Variants in ANKMY1 observed in about 807,000 individuals in gnomAD.
The protein encoded by ANKMY1 is ankyrin repeat and MYND domain-containing protein 1.
In ANKMY1, 98 loss-of-function variants were observed where a neutral mutation model predicts 102.0. That is an observed-to-expected ratio of 0.96 (90% CI 0.82 to 1.14). The LOEUF (loss-of-function observed/expected upper bound fraction) is 1.14, where lower values mean the gene tolerates loss of function less well. Among genes scored for constraint, ANKMY1 ranks in the 50% most tolerant of loss-of-function variants. The pLI is 0.00. For synonymous variants in ANKMY1, 582 were observed against 559.9 expected (o/e 1.04, Z -0.56); for missense variants, 1,330 against 1,347.6 (o/e 0.99, Z 0.20).
At chr2:240,560,525 C>A (rs1235474456), upstream of ANKMY1, 2 of 1,132,024 alleles carry the variant, frequency 1.8e-6, no homozygotes. Flanking sequence ...GGCCCAGCGC[C>A]CGCGGGGGAC....
downstream of ANKMY1, among the ~76,000 whole-genome samples, chr2:240,477,730 C>T (rs2074950478): frequency 6.6e-6 from 1 of 152,052 alleles, no homozygotes; most frequent in South Asian, 2.1e-4. Context: ...CTTAAATAAG[C>T]GTATATTGCA....
chr2:240,479,750 T>A, intron 17 of ANKMY1, 95 bp from the exon 18 acceptor site: 1 of 1,097,222 alleles, frequency 9.1e-7, no homozygotes, highest in East Asian at 2.3e-5. Context: ...GTGGGGCGGC[T>A]GAGGACTGTG....
At chr2:240,491,047 C>T (rs1468466260) in intron 15 of ANKMY1, among the ~76,000 whole-genome samples, 3 of 149,866 alleles carry the variant, frequency 2.0e-5, no homozygotes, top group African/African-American at 7.3e-5. Flanking sequence ...ATTGTTATAT[C>T]CTCTTGCTAG....
chr2:240,480,197 A>G (rs1435784827), intron 17 of ANKMY1, among the ~76,000 whole-genome samples: 1 of 152,182 alleles, frequency 6.6e-6, no homozygotes, highest in Non-Finnish European at 1.5e-5. Context: ...GTCTCAAAAG[A>G]AAACAAAAAG....
At chr2:240,553,400 A>G (rs2125140104) in intron 3 of ANKMY1, 2 of 274,786 alleles carry the variant, frequency 7.3e-6, no homozygotes, top group South Asian at 4.1e-5. Flanking sequence ...GTCCCCACTC[A>G]GGAGCCCCAT....
intron 5 of ANKMY1, chr2:240,527,018 A>C: frequency 1.0e-6 from 1 of 989,056 alleles, no homozygotes; most frequent in Non-Finnish European, 1.2e-6. Flanking sequence ...TGATGTCTGC[A>C]TGATGGATGG....
chr2:240,518,802 A>G (rs1377662534), intron 9 of ANKMY1, among the ~76,000 whole-genome samples: 1 of 152,200 alleles, frequency 6.6e-6, no homozygotes, highest in African/African-American at 2.4e-5. Context: ...TAAACCTAAA[A>G]AGGTATGAAA....
chr2:240,555,126 C>G, intron 2 of ANKMY1, 71 bp from the exon 3 acceptor site: 2 of 1,493,988 alleles, frequency 1.3e-6, no homozygotes, highest in Non-Finnish European at 1.8e-6. Flanking sequence ...CTGAGCACAA[C>G]CCCCGAGCAC....
upstream of ANKMY1, among the ~76,000 whole-genome samples, chr2:240,559,838 G>A (rs1286268185): frequency 6.6e-6 from 1 of 152,246 alleles, no homozygotes; most frequent in Non-Finnish European, 1.5e-5. Flanking sequence ...ATAACCCAGA[G>A]AGAGACTGTA....
intron 11 of ANKMY1, among the ~76,000 whole-genome samples, chr2:240,510,497 C>T (rs1046092109): frequency 6.6e-6 from 1 of 152,132 alleles, no homozygotes; most frequent in African/African-American, 2.4e-5. Flanking sequence ...CTGACCTCTG[C>T]GACTCCTCCT....
chr2:240,555,170 G>C, intron 2 of ANKMY1, 115 bp from the exon 3 acceptor site: 2 of 1,145,716 alleles, frequency 1.7e-6, no homozygotes, highest in Non-Finnish European at 2.5e-6. Flanking sequence ...ACAGTCCCGG[G>C]GCAGGTGCCG....
At chr2:240,555,171 G>C in intron 2 of ANKMY1, 116 bp from the exon 3 acceptor site, 1 of 1,126,516 alleles carries the variant, frequency 8.9e-7, no homozygotes, top group Middle Eastern at 2.8e-4. Context: ...CAGTCCCGGG[G>C]CAGGTGCCGC....
intron 9 of ANKMY1, among the ~76,000 whole-genome samples, chr2:240,515,356 G>A (rs928902995): frequency 3.3e-5 from 5 of 152,206 alleles, no homozygotes; most frequent in African/African-American, 7.2e-5. Flanking sequence ...CCAACATGGT[G>A]AAACCTCGCC....
chr2:240,525,642 T>C, intron 7 of ANKMY1, 43 bp downstream of exon 7: 1 of 1,598,806 alleles, frequency 6.3e-7, no homozygotes, highest in Non-Finnish European at 8.5e-7. Context: ...CAGAGAAGAC[T>C]ACAGGAGACA....
rs2092573210 is a variant in ANKMY1 at position 240,557,889 on chromosome 2, A to G, written c.-26T>C. 1 of 985,290 alleles carries G rather than the reference A, an allele frequency of 1.0e-6. No individual in the cohort carries two copies. The highest frequency in any genetic ancestry group is 1.2e-6 in the Non-Finnish European group (1 of 829,996). The allele number at this position is 985,290 out of a possible 1,614,324, so 61.0% of individuals were successfully genotyped here. On this transcript the variant is annotated 5_prime_UTR_variant, in exon 1 of 18. Coordinates refer to ENST00000401804, the MANE Select transcript of ANKMY1 (RefSeq NM_001282771.3). ...CTGTCGCGAGACCGCACCAAGCAAGACTCGAAGAGCTCGCGCCGGACAGCA... is the reference window on the plus strand; with the variant it reads ...CTGTCGCGAGACCGCACCAAGCAAGGCTCGAAGAGCTCGCGCCGGACAGCA...
chr2:240,538,180 C>T (rs556801529), intron 4 of ANKMY1, among the ~76,000 whole-genome samples: 123 of 152,390 alleles, frequency 8.1e-4, no homozygotes, highest in African/African-American at 2.6e-3. Context: ...GCTCCCGCCG[C>T]GCTTGAGGGG....
chr2:240,520,682 CACACACGCAG>C lies in ANKMY1; in HGVS notation c.1833-159_1833-150del. The C allele has an allele frequency of 2.0e-6, 2 of 1,013,358 alleles. No individual in the cohort carries two copies. Among genetic ancestry groups the C allele is most frequent in the Non-Finnish European group, 2.8e-6 (2 of 713,874 alleles). The allele number at this position is 1,013,358 out of a possible 1,614,324, so 62.8% of individuals were successfully genotyped here. ...CACAATCACACACACAGCACACACC[CACACACGCAG>C]ACACACCACACAGCACACAACTACA... On this transcript the variant is annotated intron_variant, in intron 8 of 17. Transcript: ENST00000401804. The surrounding 1 kb of genome is among the most constrained non-coding windows in gnomAD (Gnocchi z 4.8).
intron 4 of ANKMY1, among the ~76,000 whole-genome samples, chr2:240,535,425 T>C (rs1282035279): frequency 6.6e-6 from 1 of 152,166 alleles, no homozygotes; most frequent in African/African-American, 2.4e-5. Flanking sequence ...GAGCAGGTTG[T>C]AAAATGTTTC....
rs1480311169 is a variant in ANKMY1 at position 240,506,438 on chromosome 2, G to A, written c.2526+1122C>T. On this transcript the variant is annotated intron_variant, in intron 13 of 17. Coordinates refer to ENST00000401804, the MANE Select transcript of ANKMY1 (RefSeq NM_001282771.3). The surrounding 1 kb of genome is among the most constrained non-coding windows in gnomAD (Gnocchi z 4.9). ...CCGCCTATGGAAAACTGACTTCTGC[G>A]TCCTCACTTAGTCTATCCAGACAGA... 2.0e-5 allele frequency among the ~76,000 whole-genome samples: 3 copies of A among 152,172 alleles called. No individual in the cohort carries two copies. The highest frequency in any genetic ancestry group is 4.4e-5 in the Non-Finnish European group (3 of 68,044).
Sources: allele counts gnomAD v4.1 joint callset (sites outside exome capture counted in the v4.1 genomes callset), GRCh38; gene constraint gnomAD v4.1.1; non-coding constraint Gnocchi (gnomAD v3.1); transcripts MANE v1.5; gene names NCBI Gene and HGNC (gene_info 2026-07-23, HGNC 2026-07-21).